NRXN3: variants seen among roughly 807,000 people sequenced by gnomAD.
The protein encoded by NRXN3 is neurexin 3.
NRXN3 carries 32 observed loss-of-function variants against 137.6 expected under a neutral mutation model. That is an observed-to-expected ratio of 0.23 (90% CI 0.18 to 0.31). The LOEUF (loss-of-function observed/expected upper bound fraction) is 0.31, where lower values mean the gene tolerates loss of function less well. Among genes scored for constraint, NRXN3 ranks in the 10% least tolerant of loss-of-function variants. The pLI, the probability that NRXN3 is intolerant of heterozygous loss-of-function variation, is 1.00. For synonymous variants in NRXN3, 798 were observed against 784.5 expected (o/e 1.02, Z -0.29); for missense variants, 1,574 against 2,062.5 (o/e 0.76, Z 4.59).
chr14:79,452,411 T>C (rs1174619022), intron 15 of NRXN3, among the ~76,000 whole-genome samples: 1 of 152,214 alleles, frequency 6.6e-6, no homozygotes, highest in East Asian at 1.9e-4. Context: ...ATTTGCAGCA[T>C]GTCATATCTG....
intron 19 of NRXN3, among the ~76,000 whole-genome samples, chr14:79,700,865 G>A (rs1044527366): frequency 2.0e-5 from 3 of 152,022 alleles, no homozygotes; most frequent in South Asian, 2.1e-4. Flanking sequence ...CAAGCATCAG[G>A]TCTTGATCCT....
chr14:78,983,480 T>A (rs1049013084), intron 14 of NRXN3, among the ~76,000 whole-genome samples: 3 of 152,190 alleles, frequency 2.0e-5, no homozygotes, highest in Admixed American at 2.0e-4. Flanking sequence ...GATTGGGGTA[T>A]TTGTTTTCTT....
At chr14:79,418,994 A>G (rs780874894) in intron 15 of NRXN3, among the ~76,000 whole-genome samples, 3 of 152,230 alleles carry the variant, frequency 2.0e-5, no homozygotes, top group Non-Finnish European at 2.9e-5. Context: ...GATTGTCTGC[A>G]GTAGGGCAGG....
chr14:79,759,619 T>C (rs1200946649), intron 19 of NRXN3, among the ~76,000 whole-genome samples: 1 of 151,710 alleles, frequency 6.6e-6, no homozygotes, highest in African/African-American at 2.4e-5. Context: ...GAAGTCATAT[T>C]TCTAGTAAAG....
chr14:78,621,332 A>C lies in NRXN3; in HGVS notation c.758-23788A>C, dbSNP rs1313279289. Among the ~76,000 whole-genome samples, 11 of 152,306 alleles carry C rather than the reference A, an allele frequency of 7.2e-5. No homozygotes were observed. The East Asian group carries it at 1.5e-3, about 21-fold the overall frequency. On this transcript the variant is annotated intron_variant, in intron 4 of 20. Transcript: ENST00000335750. ...TCCTAATTTAGTCATGTTAAGCTAAAATTTACCTTTATACCATGTAGGTTG... is the reference window on the plus strand; with the variant it reads ...TCCTAATTTAGTCATGTTAAGCTAACATTTACCTTTATACCATGTAGGTTG...
chr14:79,324,380 CAATT>C (rs1225326571), intron 15 of NRXN3, among the ~76,000 whole-genome samples: 2 of 152,144 alleles, frequency 1.3e-5, no homozygotes, highest in Admixed American at 1.3e-4. Context: ...CACCAAATAT[CAATT>C]AATCAGAAGG....
chr14:78,177,395 T>G (rs2059378857), intron 1 of NRXN3, among the ~76,000 whole-genome samples: 2 of 148,594 alleles, frequency 1.3e-5, no homozygotes, highest in African/African-American at 5.0e-5. Context: ...TTTTCAGGGG[T>G]GGGGTGGGGC....
At chr14:78,429,727 GTGA>G (rs2093803464) in intron 4 of NRXN3, among the ~76,000 whole-genome samples, 2 of 152,218 alleles carry the variant, frequency 1.3e-5, no homozygotes, top group South Asian at 4.1e-4. Flanking sequence ...AAGATGGCCA[GTGA>G]TGGAGGCCTG....
chr14:78,827,046 A>G (rs1250704263), intron 10 of NRXN3, among the ~76,000 whole-genome samples: 3 of 152,200 alleles, frequency 2.0e-5, no homozygotes, highest in South Asian at 4.1e-4. Context: ...ATCCATGCCT[A>G]TGTCATGATA....
intron 14 of NRXN3, among the ~76,000 whole-genome samples, chr14:78,980,291 C>T (rs1403842605): frequency 6.6e-6 from 1 of 152,210 alleles, no homozygotes; most frequent in African/African-American, 2.4e-5. Context: ...TTCTCCCTTA[C>T]CCTCTGCCTG....
At chr14:79,161,214 G>A (rs2060737046) in intron 15 of NRXN3, among the ~76,000 whole-genome samples, 1 of 151,834 alleles carries the variant, frequency 6.6e-6, no homozygotes, top group African/African-American at 2.4e-5. Context: ...GTGAAGTGGG[G>A]AAAATTTCAA....
At chr14:78,258,634 T>G (rs1217277314) in intron 2 of NRXN3, among the ~76,000 whole-genome samples, 1 of 152,196 alleles carries the variant, frequency 6.6e-6, no homozygotes, top group East Asian at 1.9e-4. Flanking sequence ...TACCCAGACA[T>G]GTAGAAGGAA....
At chr14:78,658,659 C>A (rs1273806956) in intron 6 of NRXN3, among the ~76,000 whole-genome samples, 1 of 152,166 alleles carries the variant, frequency 6.6e-6, no homozygotes, top group Non-Finnish European at 1.5e-5. Context: ...GGATAGTAAT[C>A]CCTGCTAATC....
chr14:78,581,999 A>G (rs2097003168), intron 4 of NRXN3, among the ~76,000 whole-genome samples: 1 of 152,184 alleles, frequency 6.6e-6, no homozygotes, highest in African/African-American at 2.4e-5. Context: ...TCTATCCTCC[A>G]TAAGGTACTT....
intron 10 of NRXN3, among the ~76,000 whole-genome samples, chr14:78,839,604 T>C (rs1222510237): frequency 6.6e-6 from 1 of 152,170 alleles, no homozygotes; most frequent in East Asian, 1.9e-4. Context: ...GACAGACTAC[T>C]CTTCGAGTGA....
chr14:78,984,651 T>C (rs166286), intron 14 of NRXN3, among the ~76,000 whole-genome samples: 5,947 of 152,270 alleles, frequency 0.039, 337 homozygotes, highest in African/African-American at 0.13. Flanking sequence ...CTGAACCACC[T>C]GGAGGGCTTG....
chr14:79,305,224 A>G (rs781116253), intron 15 of NRXN3, among the ~76,000 whole-genome samples: 1 of 152,106 alleles, frequency 6.6e-6, no homozygotes, highest in Non-Finnish European at 1.5e-5. Context: ...ATATGTGTAT[A>G]TTAGCTTAAT....
chr14:79,731,449 T>A lies in NRXN3; in HGVS notation c.4014+33512T>A, dbSNP rs79134435. ...AACCACACATCCCATCTAGGACTAATCATTATATTTTCCAATTTAACATTC... is the reference window on the plus strand; with the variant it reads ...AACCACACATCCCATCTAGGACTAAACATTATATTTTCCAATTTAACATTC... On this transcript the variant is annotated intron_variant, in intron 19 of 20. Coordinates refer to ENST00000335750, the MANE Select transcript of NRXN3 (RefSeq NM_001330195.2). Among the ~76,000 whole-genome samples, 1,063 of 152,312 alleles carry A rather than the reference T, an allele frequency of 7.0e-3. 13 individuals are homozygous for A. Among genetic ancestry groups the A allele is most frequent in the African/African-American group, 0.023 (964 of 41,576 alleles).
At chr14:79,564,169 T>G (rs1364224567) in intron 16 of NRXN3, among the ~76,000 whole-genome samples, 3 of 143,862 alleles carry the variant, frequency 2.1e-5, no homozygotes, top group African/African-American at 5.1e-5. Flanking sequence ...TCAAAAAGAT[T>G]AAAAAAAAAA....
Sources: gnomAD v4.1 joint callset for allele counts (sites outside exome capture counted in the v4.1 genomes callset) on GRCh38, gnomAD v4.1.1 for gene constraint, MANE v1.5 for transcripts, NCBI Gene and HGNC (gene_info 2026-07-23, HGNC 2026-07-21) for gene names.